The following SLC26A11 variants were observed in gnomAD, a reference collection of about 807,000 sequenced individuals.
SLC26A11 encodes sodium-independent sulfate anion transporter.
A neutral mutation model predicts 62.2 loss-of-function variants in SLC26A11; 58 were observed. That is an observed-to-expected ratio of 0.93 (90% confidence interval 0.76 to 1.16). The LOEUF (loss-of-function observed/expected upper bound fraction) is 1.16, where lower values mean the gene tolerates loss of function less well. Ranked by LOEUF, SLC26A11 falls within the 50% of genes most tolerant of loss-of-function variation. The probability of loss-of-function intolerance (pLI) is 0.00; values close to 1 mark genes in which losing one functional copy is unlikely to be tolerated. For missense variants in SLC26A11, 790 were observed against 794.3 expected (o/e 0.99, Z 0.06); for synonymous variants, 411 against 368.9 (o/e 1.11, Z -1.31).
chr17:80,224,440 TGA>T (rs879586138), intron 5 of SLC26A11, among the ~76,000 whole-genome samples: 3,772 of 111,202 alleles, frequency 0.034, 63 homozygotes, highest in South Asian at 0.073. Flanking sequence ...GGTGTGGGTG[TGA>T]GAGTGTGAGT....
Position 80,248,571 on chromosome 17 carries a change from A to G in SLC26A11, c.1423-4A>G, listed in dbSNP as rs375306420. 8 of 1,574,546 alleles carry G rather than the reference A, an allele frequency of 5.1e-6. No homozygotes were observed. The African/African-American group carries it at 6.8e-5, about 13-fold the overall frequency. ...CCGCCTCCAGGACTCACTCCTCCCC[A>G]CAGGTGTCAGAGGGGCCGGTTCTGG... is the stretch of plus-strand genomic sequence containing the variant. On this transcript the variant is annotated splice_polypyrimidine_tract_variant and splice_region_variant and intron_variant, in intron 14 of 17. Coordinates refer to ENST00000361193, the MANE Select transcript of SLC26A11 (RefSeq NM_001166347.2).
chr17:80,222,438 C>T lies in SLC26A11; in HGVS notation c.235-217C>T, dbSNP rs2042248580. 1.7e-6 allele frequency: 1 copy of T among 582,278 alleles called. No individual in the cohort carries two copies. Among genetic ancestry groups the T allele is most frequent in the Non-Finnish European group, 3.1e-6 (1 of 327,120 alleles). The allele number at this position is 582,278 out of a possible 1,614,324, so 36.1% of individuals were successfully genotyped here. On this transcript the variant is annotated intron_variant, in intron 3 of 17. Transcript: ENST00000361193. This position sits in a 1 kb window ranked among gnomAD's most constrained non-coding sequence, Gnocchi z 4.7. ...ACAGCACACGGGCCTGCACCGACCC[C>T]TCTGCCTGGCTGTCTGCACCCTGAG...
intron 5 of SLC26A11, 80 bp from the exon 6 acceptor site, chr17:80,225,757 G>A (rs1210752320): frequency 1.4e-5 from 18 of 1,253,048 alleles, no homozygotes; most frequent in Non-Finnish European, 2.1e-5. Flanking sequence ...TCAGCCCTAG[G>A]GGAGGTGGGC....
At chr17:80,238,811 G>GGTTTTTTTTTTTTTTTTTTTTTTTTTTT (rs1555629117) in intron 9 of SLC26A11, among the ~76,000 whole-genome samples, 10 of 123,264 alleles carry the variant, frequency 8.1e-5, no homozygotes, top group African/African-American at 3.1e-4. Context: ...CTTCAAAGGA[G>GGTTTTTTTTTTTTTTTTTTTTTTTTTTT]TTTTTTTTGT....
In SLC26A11 at chr17:80,248,589, G is replaced by A. The variant is rs761465147; in HGVS notation, c.1437G>A (p.Pro479=). ...CCTCCCCACAGGTGTCAGAGGGGCC[G>A]GTTCTGGTCCTGCAGCCGGCCAGCG... ...ARPETKVSEG[P]VLVLQPASGL... is the part of the protein sequence containing the mutation. Residue 479 remains proline (P), a synonymous_variant, in exon 15 of 18, where the codon CCG becomes CCA. Transcript: ENST00000361193. The A allele has an allele frequency of 3.0e-5, 47 of 1,584,516 alleles. No homozygotes were observed. Among genetic ancestry groups the A allele is most frequent in the African/African-American group, 1.1e-4 (8 of 74,218 alleles).
At chr17:80,248,341 A>G (rs1436248130) in intron 14 of SLC26A11, 84 bp downstream of exon 14, 18 of 1,499,486 alleles carry the variant, frequency 1.2e-5, no homozygotes, top group Non-Finnish European at 1.6e-5. Context: ...GTCCGGGGTG[A>G]TTGTGGTCGT....
chr17:80,236,815 C>A, intron 7 of SLC26A11, 113 bp from the exon 8 acceptor site: 1 of 1,129,384 alleles, frequency 8.9e-7, no homozygotes, highest in Non-Finnish European at 1.3e-6. Flanking sequence ...GACTGTGGCC[C>A]GGTGGGGGCG....
At chr17:80,248,738 C>G in intron 15 of SLC26A11, 64 bp downstream of exon 15, 2 of 1,446,686 alleles carry the variant, frequency 1.4e-6, no homozygotes, top group Non-Finnish European at 1.9e-6. Flanking sequence ...CCACTCCCTG[C>G]TGTTCAGGAC....
rs534164590 is a variant in SLC26A11 at position 80,248,645 on chromosome 17, G to A, written c.1493G>A (p.Arg498Gln). Residue 498 changes from arginine to glutamine, a missense_variant, in exon 15 of 18, where the codon CGG becomes CAG. Transcript: ENST00000361193. ...GLSFPAMEAL[R>Q]EEILSRALEV... The stretch of plus-strand genomic sequence containing the variant: ...TCCTTCCCTGCCATGGAGGCTCTGC[G>A]GGAGGAGATCCTAAGCCGGGCCCTG... 74 of 1,581,520 alleles carry A rather than the reference G, an allele frequency of 4.7e-5. No individual in the cohort carries two copies. The highest frequency in any genetic ancestry group is 3.2e-4 in the African/African-American group (24 of 74,334).
At position 80,228,076 on chromosome 17, in the gene SLC26A11, A is replaced by G. The variant is rs1432379638; in HGVS notation, c.736+116A>G. On this transcript the variant is annotated intron_variant, in intron 7 of 17. Coordinates refer to ENST00000361193, the MANE Select transcript of SLC26A11 (RefSeq NM_001166347.2). The surrounding 1 kb of genome is among the most constrained non-coding windows in gnomAD (Gnocchi z 4.1). ...TCATTGGTCTGGGTGTCACTTGAGC[A>G]TTGGGACATTTAAAACACCACACCA... is the stretch of plus-strand genomic sequence containing the variant. 6.0e-6 allele frequency: 5 copies of G among 831,310 alleles called. No homozygotes were observed. The highest frequency in any genetic ancestry group is 2.7e-5 in the East Asian group (1 of 36,904). The allele number at this position is 831,310 out of a possible 1,614,324, so 51.5% of individuals were successfully genotyped here. A position where few individuals can be genotyped will look rare whatever the true frequency, so the allele number is the denominator to read the frequency against.
In SLC26A11 at chr17:80,246,157, A is replaced by C. The variant is rs1567965126; in HGVS notation, c.1101A>C (p.Thr367=). Residue 367 remains threonine (T), a synonymous_variant, in exon 12 of 18, where the codon ACA becomes ACC. Coordinates refer to ENST00000361193, the MANE Select transcript of SLC26A11 (RefSeq NM_001166347.2). The surrounding 1 kb of genome is among the most constrained non-coding windows in gnomAD (Gnocchi z 4.4). ...CGGTCTCTGTGTTGCCTTCCAGGAC[A>C]GCCGTGAACGCTCAGTCGGGGGTGT... ...SYPVTGSFGR[T]AVNAQSGVCT... is the part of the protein sequence containing the mutation. 1 of 1,613,148 alleles carries C rather than the reference A, an allele frequency of 6.2e-7. No individual in the cohort carries two copies. Among genetic ancestry groups the C allele is most frequent in the Non-Finnish European group, 8.5e-7 (1 of 1,179,978 alleles).
At chr17:80,220,556 G>T in intron 1 of SLC26A11, 60 bp downstream of exon 1, 1 of 409,722 alleles carries the variant, frequency 2.4e-6, no homozygotes, top group Non-Finnish European at 4.3e-6. Context: ...AGCGGACAGT[G>T]GCCGGGGTCG....
intron 8 of SLC26A11, 101 bp from the exon 9 acceptor site, chr17:80,237,421 C>T (rs1416269357): frequency 1.8e-6 from 2 of 1,128,158 alleles, no homozygotes; most frequent in Non-Finnish European, 2.6e-6. Context: ...GCACTTGCTC[C>T]TGTTACCTGT....
chr17:80,251,712 G>A (rs376479848), intron 17 of SLC26A11, among the ~76,000 whole-genome samples: 15 of 150,970 alleles, frequency 9.9e-5, no homozygotes, highest in East Asian at 7.8e-4. Context: ...GTACTGAGCC[G>A]AGATTGTGCC....
intron 7 of SLC26A11, 121 bp from the exon 8 acceptor site, chr17:80,236,807 C>A: frequency 2.9e-6 from 3 of 1,026,566 alleles, no homozygotes; most frequent in Admixed American, 2.1e-5. Flanking sequence ...AGAGTGAGGA[C>A]TGTGGCCCGG....
At chr17:80,225,257 G>A (rs953247174) in intron 5 of SLC26A11, among the ~76,000 whole-genome samples, 2 of 152,202 alleles carry the variant, frequency 1.3e-5, no homozygotes, top group African/African-American at 4.8e-5. Flanking sequence ...GGACCTCAGA[G>A]CTGGTATCGT....
intron 6 of SLC26A11, 143 bp from the exon 7 acceptor site, chr17:80,227,672 TCAC>T: frequency 1.1e-6 from 1 of 937,264 alleles, no homozygotes; most frequent in Non-Finnish European, 1.6e-6. Context: ...CTTGTGATAC[TCAC>T]TGTGGTCTGG....
chr17:80,237,571 G>C lies in SLC26A11; in HGVS notation c.962G>C (p.Ser321Thr). 3.7e-6 allele frequency: 6 copies of C among 1,612,060 alleles called. No homozygotes were observed. The highest frequency in any genetic ancestry group is 5.1e-6 in the Non-Finnish European group (6 of 1,179,306). ...GTGCCCCTGATGGGCCTCCTGGAGAGCATTGCGGTGGCCAAAGCCTTCGGT... is the reference window on the plus strand; with the variant it reads ...GTGCCCCTGATGGGCCTCCTGGAGACCATTGCGGTGGCCAAAGCCTTCGGT... ...AVVPLMGLLESIAVAKAFASQ... is the reference protein window; with the variant it reads ...AVVPLMGLLETIAVAKAFASQ... Residue 321 changes from serine (S) to threonine (T), a missense_variant, in exon 9 of 18, where the codon AGC becomes ACC. Transcript: ENST00000361193.
intron 17 of SLC26A11, among the ~76,000 whole-genome samples, chr17:80,251,697 A>G (rs1322508215): frequency 6.7e-6 from 1 of 150,328 alleles, no homozygotes; most frequent in Non-Finnish European, 1.5e-5. Flanking sequence ...CAGGAGGCAG[A>G]GGTTGTACTG....
Sources: gnomAD v4.1 joint callset for allele counts (sites outside exome capture counted in the v4.1 genomes callset) on GRCh38, gnomAD v4.1.1 for gene constraint, Gnocchi (gnomAD v3.1) non-coding constraint, MANE v1.5 for transcripts, NCBI Gene and HGNC (gene_info 2026-07-23, HGNC 2026-07-21) for gene names.